The following MYO1E variants were observed in gnomAD, a reference collection of about 807,000 sequenced individuals.
MYO1E encodes myosin IE.
In MYO1E, 68 loss-of-function variants were observed where a neutral mutation model predicts 151.1. The observed-to-expected ratio is 0.45, with a 90% CI of 0.37 to 0.55. The LOEUF is 0.55. Ranked by LOEUF, MYO1E falls within the 20% of genes least tolerant of loss-of-function variation. The pLI, the probability that MYO1E is intolerant of heterozygous loss-of-function variation, is 0.00. For missense variants in MYO1E, 1,363 were observed against 1,389.3 expected, an observed-to-expected ratio of 0.98 and a Z score of 0.30; for synonymous variants, 601 against 501.7, an observed-to-expected ratio of 1.20 and a Z score of -2.64.
At chr15:59,232,878 T>C (rs2080036883) in intron 5 of MYO1E, among the ~76,000 whole-genome samples, 1 of 152,020 alleles carries the variant, frequency 6.6e-6, no homozygotes, top group African/African-American at 2.4e-5. Context: ...CTCCTGAACA[T>C]TCAGAAGAGA....
intron 1 of MYO1E, among the ~76,000 whole-genome samples, chr15:59,278,814 C>G: frequency 6.6e-6 from 1 of 152,238 alleles, no homozygotes. Flanking sequence ...ACCAGAAATA[C>G]GTGCCAATGC....
chr15:59,287,115 C>A (rs1194755588), intron 1 of MYO1E, among the ~76,000 whole-genome samples: 2 of 152,122 alleles, frequency 1.3e-5, no homozygotes, highest in Non-Finnish European at 2.9e-5. Context: ...TGATCCATAC[C>A]TTGGACTTTA....
intron 5 of MYO1E, among the ~76,000 whole-genome samples, chr15:59,234,489 T>A (rs1374410207): frequency 6.6e-6 from 1 of 152,154 alleles, no homozygotes; most frequent in Non-Finnish European, 1.5e-5. Context: ...TACCTTAAGC[T>A]TTCTGATCTA....
intron 8 of MYO1E, among the ~76,000 whole-genome samples, chr15:59,224,364 G>T (rs1397914063): frequency 2.6e-5 from 4 of 152,180 alleles, no homozygotes; most frequent in Non-Finnish European, 5.9e-5. Context: ...CTTTTCTAAG[G>T]AAATAGCTCA....
intron 1 of MYO1E, among the ~76,000 whole-genome samples, chr15:59,325,340 T>A (rs1161982878): frequency 1.3e-5 from 2 of 152,106 alleles, no homozygotes; most frequent in Non-Finnish European, 2.9e-5. Flanking sequence ...CGGCCAATTG[T>A]CCTTTTTAGT....
chr15:59,279,440 A>C (rs374980727), intron 1 of MYO1E, among the ~76,000 whole-genome samples: 23 of 152,332 alleles, frequency 1.5e-4, no homozygotes, highest in African/African-American at 5.3e-4. Context: ...TCAGGCTGCT[A>C]GGTTGCATCT....
chr15:59,198,467 T>C (rs1046079238), intron 16 of MYO1E, among the ~76,000 whole-genome samples: 3 of 152,106 alleles, frequency 2.0e-5, no homozygotes, highest in Non-Finnish European at 4.4e-5. Flanking sequence ...GTAAACTAAG[T>C]AGGTTGAACT....
chr15:59,137,012 G>A lies in MYO1E; in HGVS notation c.*368C>T, dbSNP rs1345498254. ...TCTTCAACTAAAGGCACTTGTCAGC[G>A]GCCACCTACAGCCATTCTCTAGGCC... On this transcript the variant is annotated 3_prime_UTR_variant, in exon 28 of 28. Coordinates refer to ENST00000288235, the MANE Select transcript of MYO1E (RefSeq NM_004998.4). The A allele has an allele frequency of 1.6e-5, 6 of 370,612 alleles. No individual in the cohort carries two copies. The highest frequency in any genetic ancestry group is 4.4e-5 in the South Asian group (2 of 45,448). The allele number at this position is 370,612 out of a possible 1,614,324, so 23.0% of individuals were successfully genotyped here. A position where few individuals can be genotyped will look rare whatever the true frequency, so the allele number is the denominator to read the frequency against.
At chr15:59,195,930 C>T (rs543000562) in intron 16 of MYO1E, among the ~76,000 whole-genome samples, 29 of 152,308 alleles carry the variant, frequency 1.9e-4, no homozygotes, top group South Asian at 1.9e-3. Flanking sequence ...TCATTTTATG[C>T]TGATAGAGCG....
intron 1 of MYO1E, among the ~76,000 whole-genome samples, chr15:59,364,906 C>G (rs1374930546): frequency 6.6e-6 from 1 of 152,036 alleles, no homozygotes; most frequent in African/African-American, 2.4e-5. Context: ...GAGACTCCAT[C>G]TCAAGAAAAA....
chr15:59,214,318 G>T lies in MYO1E; in HGVS notation c.1189-4C>A. The T allele has an allele frequency of 6.3e-7, 1 of 1,584,628 alleles. No homozygotes were observed. Among genetic ancestry groups the T allele is most frequent in the Non-Finnish European group, 8.6e-7 (1 of 1,159,696 alleles). ...AAAACTGTTCAAAGCCATTTTTCTGGAAAAAAAAAGTTATTCACATGTAAT... is the reference window on the plus strand; with the variant it reads ...AAAACTGTTCAAAGCCATTTTTCTGTAAAAAAAAAGTTATTCACATGTAAT... On this transcript the variant is annotated splice_region_variant and splice_polypyrimidine_tract_variant and intron_variant, in intron 11 of 27. Coordinates refer to ENST00000288235, the MANE Select transcript of MYO1E (RefSeq NM_004998.4).
intron 26 of MYO1E, among the ~76,000 whole-genome samples, chr15:59,149,206 A>G (rs1366245561): frequency 6.6e-6 from 1 of 151,774 alleles, no homozygotes; most frequent in African/African-American, 2.4e-5. Context: ...ACAGGCACCC[A>G]CCACCATACC....
chr15:59,192,043 G>C (rs1264025583), intron 17 of MYO1E, among the ~76,000 whole-genome samples: 3 of 152,140 alleles, frequency 2.0e-5, no homozygotes, highest in Non-Finnish European at 4.4e-5. Flanking sequence ...TTTACCAGGA[G>C]CTTCAACTGG....
intron 1 of MYO1E, 128 bp downstream of exon 1, chr15:59,372,370 G>C: frequency 8.6e-7 from 1 of 1,168,554 alleles, no homozygotes; most frequent in Non-Finnish European, 1.2e-6. Flanking sequence ...AGCTCGCGAC[G>C]TGCCGGCTCC....
chr15:59,303,727 C>A lies in MYO1E; in HGVS notation c.4-31278G>T, dbSNP rs574972115. Among the ~76,000 whole-genome samples, 29 of 152,246 alleles carry A rather than the reference C, an allele frequency of 1.9e-4. 1 individual carries two copies. In the South Asian group the frequency reaches 3.7e-3, roughly 20 times the overall value. ...CGCATTTGCCCCTCTCCCTGGCTCA[C>A]AAATGTGACAGGGAAAGGCGGTGGC... On this transcript the variant is annotated intron_variant, in intron 1 of 27. Transcript: ENST00000288235.
chr15:59,216,964 A>C (rs2079922597), intron 10 of MYO1E, among the ~76,000 whole-genome samples: 3 of 151,700 alleles, frequency 2.0e-5, no homozygotes. Context: ...GGGGAAAACC[A>C]ACCATTATGT....
chr15:59,310,852 A>G (rs1289292910), intron 1 of MYO1E, among the ~76,000 whole-genome samples: 4 of 152,000 alleles, frequency 2.6e-5, no homozygotes, highest in African/African-American at 9.7e-5. Flanking sequence ...TAGTGGTCTC[A>G]GAATTATGGT....
chr15:59,358,292 G>C (rs1389233192), intron 1 of MYO1E, among the ~76,000 whole-genome samples: 1 of 152,026 alleles, frequency 6.6e-6, no homozygotes, highest in African/African-American at 2.4e-5. Flanking sequence ...GAGGAGGAGA[G>C]AGCTCCCTTT....
At chr15:59,226,440 G>A (rs1049460594) in intron 7 of MYO1E, among the ~76,000 whole-genome samples, 1 of 152,136 alleles carries the variant, frequency 6.6e-6, no homozygotes, top group Admixed American at 6.5e-5. Flanking sequence ...ATACTAATAA[G>A]TAAATAGAAC....
Sources: gnomAD v4.1 joint callset for allele counts (sites outside exome capture counted in the v4.1 genomes callset) on GRCh38, gnomAD v4.1.1 for gene constraint, MANE v1.5 for transcripts, NCBI Gene and HGNC (gene_info 2026-07-23, HGNC 2026-07-21) for gene names.